The following RNF114 variants were observed in gnomAD, a reference collection of about 807,000 sequenced individuals.
RNF114 encodes the protein ring finger protein 114.
A neutral mutation model predicts 28.4 loss-of-function variants in RNF114; 6 were observed. That is an observed-to-expected ratio of 0.21 (90% confidence interval 0.12 to 0.42). The LOEUF is 0.42. RNF114 is among the 10% of genes least tolerant of loss of function. The probability of loss-of-function intolerance (pLI) is 1.00; values close to 1 mark genes in which losing one functional copy is unlikely to be tolerated. For missense variants in RNF114, 249 were observed against 311.7 expected (o/e 0.80, Z 1.51); for synonymous variants, 115 against 116.7 (o/e 0.99, Z 0.09).
At chr20:49,946,038 T>C (rs1233295338) in intron 3 of RNF114, 98 bp from the exon 4 acceptor site, 3 of 594,662 alleles carry the variant, frequency 5.0e-6, no homozygotes, top group Non-Finnish European at 8.9e-6. Flanking sequence ...ATTACACATT[T>C]GGTGAGCTTT....
chr20:49,953,431 G>A lies in RNF114; in HGVS notation c.*1290G>A, dbSNP rs547689426. ...CCAAAAGGCATATGGGTTTAGGTTG[G>A]TTTTTTGATGTCATATGTCTCTGAT... is the stretch of plus-strand genomic sequence containing the variant. On this transcript the variant is annotated 3_prime_UTR_variant, in exon 6 of 6. Coordinates refer to ENST00000244061, the MANE Select transcript of RNF114 (RefSeq NM_018683.4). The A allele has an allele frequency of 1.1e-4, 17 of 152,296 alleles. No homozygotes were observed. In the East Asian group the frequency reaches 3.1e-3, roughly 28 times the overall value. The allele number at this position is 152,296 out of a possible 1,614,324, so 9.4% of individuals were successfully genotyped here. A position where few individuals can be genotyped will look rare whatever the true frequency, so the allele number is the denominator to read the frequency against.
intron 2 of RNF114, chr20:49,943,873 G>GATAGATATAT (rs1555857476): frequency 1.6e-5 from 2 of 122,136 alleles, no homozygotes; most frequent in Non-Finnish European, 3.3e-5. Flanking sequence ...TACACACAGA[G>GATAGATATAT]ATATATATAT....
intron 5 of RNF114, among the ~76,000 whole-genome samples, chr20:49,951,321 A>G (rs991165957): frequency 5.9e-5 from 9 of 151,750 alleles, no homozygotes; most frequent in Non-Finnish European, 1.2e-4. Context: ...AAAATGACTC[A>G]TTAAAAATGA....
intron 1 of RNF114, among the ~76,000 whole-genome samples, chr20:49,936,929 C>T (rs2090289496): frequency 6.6e-6 from 1 of 152,160 alleles, no homozygotes; most frequent in African/African-American, 2.4e-5. Context: ...GCTCTTAAAG[C>T]ATAGGACATT....
intron 1 of RNF114, 36 bp from the exon 2 acceptor site, chr20:49,941,525 A>T: frequency 6.5e-7 from 1 of 1,541,712 alleles, no homozygotes; most frequent in Non-Finnish European, 8.8e-7. Flanking sequence ...TGTCTCCATG[A>T]TGCGTGACAG....
chr20:49,948,231 T>C (rs180727750), intron 4 of RNF114, among the ~76,000 whole-genome samples: 276 of 152,202 alleles, frequency 1.8e-3, no homozygotes, highest in Non-Finnish European at 3.1e-3. Flanking sequence ...CATTCCAGAT[T>C]TCTCTCTTGT....
chr20:49,949,811 C>T (rs2090348508), intron 5 of RNF114, among the ~76,000 whole-genome samples: 1 of 151,998 alleles, frequency 6.6e-6, no homozygotes, highest in South Asian at 2.1e-4. Flanking sequence ...TGCCCCATTA[C>T]TTTTTGTACT....
chr20:49,952,097 G>A lies in RNF114; in HGVS notation c.643G>A (p.Asp215Asn), dbSNP rs2090357306. 2 of 1,613,820 alleles carry A rather than the reference G, an allele frequency of 1.2e-6. No individual in the cohort carries two copies. The highest frequency in any genetic ancestry group is 1.7e-6 in the Non-Finnish European group (2 of 1,179,796). ...TFVDYDVDEE[D>N]MMNQVLQRSI... Reference sequence around the variant, plus strand: ...TTAGGATTATGATGTTGATGAAGAGGACATGATGAATCAGGTGTTGCAGCG... The same window carrying A: ...TTAGGATTATGATGTTGATGAAGAGAACATGATGAATCAGGTGTTGCAGCG... Residue 215 changes from aspartate (D) to asparagine (N), a missense_variant, in exon 6 of 6, where the codon GAC (aspartate) becomes AAC (asparagine). Asp to Asn is a conservative substitution (Grantham distance 23). Around this residue, in one of 2 missense-constraint regions of RNF114, gnomAD observed 126 missense variants for 205.3 expected, o/e 0.61. Transcript: ENST00000244061.
intron 5 of RNF114, among the ~76,000 whole-genome samples, chr20:49,951,526 C>T (rs574935370): frequency 2.9e-4 from 44 of 152,274 alleles, no homozygotes; most frequent in Admixed American, 4.6e-4. Flanking sequence ...AGCCTCCATT[C>T]GTGTGCTGTC....
Position 49,947,227 on chromosome 20 carries a change from C to G in RNF114, c.513+977C>G, listed in dbSNP as rs1490122879. ...AGAACAAAACTGCCCCCCCCCCCCC[C>G]CCCCCCCCCAAAAAAGTATTTGTTC... On this transcript the variant is annotated intron_variant, in intron 4 of 5. Transcript: ENST00000244061. Among the ~76,000 whole-genome samples, 2 of 17,214 alleles carry G rather than the reference C, an allele frequency of 1.2e-4. 1 individual carries two copies. The highest frequency in any genetic ancestry group is 3.9e-4 in the African/African-American group (2 of 5,174). The allele number at this position is 17,214 out of a possible 152,430, so 11.3% of individuals were successfully genotyped here. A position where few individuals can be genotyped will look rare whatever the true frequency, so the allele number is the denominator to read the frequency against.
At chr20:49,948,501 A>C (rs1033822216) in intron 4 of RNF114, among the ~76,000 whole-genome samples, 1 of 150,998 alleles carries the variant, frequency 6.6e-6, no homozygotes, top group Non-Finnish European at 1.5e-5. Context: ...GCAGTGGCAC[A>C]ATCTTGGCTC....
In RNF114 at chr20:49,952,250, C is replaced by A; in HGVS notation, c.*109C>A. 1 of 994,926 alleles carries A rather than the reference C, an allele frequency of 1.0e-6. No homozygotes were observed. Among genetic ancestry groups the A allele is most frequent in the Non-Finnish European group, 1.6e-6 (1 of 623,652 alleles). 61.6% of individuals were successfully genotyped at this position (994,926 alleles called of 1,614,324 possible). On this transcript the variant is annotated 3_prime_UTR_variant, in exon 6 of 6. Transcript: ENST00000244061. ...CCTGTTCAACAGACCTGAAAATGAG[C>A]CATGGCATTGGGACAGGGTCACTTC... is the stretch of plus-strand genomic sequence containing the variant.
chr20:49,946,481 C>T (rs1462489437), intron 4 of RNF114, among the ~76,000 whole-genome samples: 1 of 152,104 alleles, frequency 6.6e-6, no homozygotes, highest in Non-Finnish European at 1.5e-5. Context: ...ATACTTCGCA[C>T]CCTGATACAG....
chr20:49,938,795 T>C (rs1192311662), intron 1 of RNF114, among the ~76,000 whole-genome samples: 2 of 152,250 alleles, frequency 1.3e-5, no homozygotes, highest in Non-Finnish European at 2.9e-5. Context: ...AGATGAGCTG[T>C]ACCTGTGTGT....
At chr20:49,947,244 T>A (rs1301680960) in intron 4 of RNF114, among the ~76,000 whole-genome samples, 3 of 98,934 alleles carry the variant, frequency 3.0e-5, no homozygotes, top group South Asian at 3.9e-4. Flanking sequence ...CCCAAAAAAG[T>A]ATTTGTTCCA....
Position 49,946,016 on chromosome 20 carries a change from A to G in RNF114, c.399-120A>G. 1.1e-5 allele frequency: 6 copies of G among 568,922 alleles called. No individual in the cohort carries two copies. In the South Asian group the frequency reaches 1.4e-4, roughly 13 times the overall value. 35.2% of individuals were successfully genotyped at this position (568,922 alleles called of 1,614,324 possible). ...TTGACCTGAGTCTGAAGTGATCATC[A>G]GCATCCTTATCATTACACATTTGGT... On this transcript the variant is annotated intron_variant, in intron 3 of 5. Coordinates refer to ENST00000244061, the MANE Select transcript of RNF114 (RefSeq NM_018683.4).
Position 49,952,158 on chromosome 20 carries a change from C to A in RNF114, c.*17C>A. 1.2e-6 allele frequency: 2 copies of A among 1,607,496 alleles called. No individual in the cohort carries two copies. Among genetic ancestry groups the A allele is most frequent in the Non-Finnish European group, 1.7e-6 (2 of 1,173,928 alleles). On this transcript the variant is annotated 3_prime_UTR_variant, in exon 6 of 6. Transcript: ENST00000244061. The stretch of plus-strand genomic sequence containing the variant: ...GACCAGTGAGCAGAGTCCGTGCTTG[C>A]TATCTGTCTCATGTTACAGAGCTTC...
Position 49,952,632 on chromosome 20 carries a change from T to TG in RNF114, c.*492dup, listed in dbSNP as rs1342684760. On this transcript the variant is annotated 3_prime_UTR_variant, in exon 6 of 6. Coordinates refer to ENST00000244061, the MANE Select transcript of RNF114 (RefSeq NM_018683.4). ...TGAAGCTCCCGCTGGGCTGTGGGGTTGCCAGAAGCTGGGGTTGCCATCCCG... is the reference window on the plus strand; with the variant it reads ...TGAAGCTCCCGCTGGGCTGTGGGGTTGGCCAGAAGCTGGGGTTGCCATCCCG... The TG allele has an allele frequency of 5.4e-6, 1 of 186,726 alleles. No homozygotes were observed. Among genetic ancestry groups the TG allele is most frequent in the African/African-American group, 2.3e-5 (1 of 42,818 alleles). The allele number at this position is 186,726 out of a possible 1,614,324, so 11.6% of individuals were successfully genotyped here.
In RNF114 at chr20:49,941,699, C is replaced by G. The variant is rs1285841920; in HGVS notation, c.279C>G (p.Gly93=). The change falls in exon 2 of 6, where the codon GGC becomes GGG. Residue 93 remains glycine, a synonymous_variant. Coordinates refer to ENST00000244061, the MANE Select transcript of RNF114 (RefSeq NM_018683.4). ...QIESTETSCH[G]CRKNFFLSKI... Reference sequence around the variant, plus strand: ...AGAGCACAGAGACTTCTTGCCATGGCTGCCGTAAGAATGTATGTGGAAGTG... The same window carrying G: ...AGAGCACAGAGACTTCTTGCCATGGGTGCCGTAAGAATGTATGTGGAAGTG... 1 of 1,611,058 alleles carries G rather than the reference C, an allele frequency of 6.2e-7. No homozygotes were observed. Among genetic ancestry groups the G allele is most frequent in the Non-Finnish European group, 8.5e-7 (1 of 1,179,442 alleles).
Sources: allele counts gnomAD v4.1 joint callset (sites outside exome capture counted in the v4.1 genomes callset), GRCh38; gene constraint gnomAD v4.1.1; regional missense constraint gnomAD v4.1.1; transcripts MANE v1.5; gene names NCBI Gene and HGNC (gene_info 2026-07-23, HGNC 2026-07-21).